Variants in HSD17B3 observed in about 807,000 individuals in gnomAD.
HSD17B3 encodes 17-beta-hydroxysteroid dehydrogenase type 3.
In HSD17B3, 29 loss-of-function variants were observed where a neutral mutation model predicts 41.1. That is an observed-to-expected ratio of 0.71 (90% CI 0.53 to 0.96). The LOEUF (loss-of-function observed/expected upper bound fraction) is 0.96. HSD17B3 is among the 40% of genes least tolerant of loss of function. The pLI is 0.00. For synonymous variants in HSD17B3, 126 were observed against 145.6 expected (o/e 0.87, Z 0.97); for missense variants, 323 against 374.6 (o/e 0.86, Z 1.14).
chr9:96,243,206 T>C (rs1379577799), intron 9 of HSD17B3, among the ~76,000 whole-genome samples: 1 of 152,190 alleles, frequency 6.6e-6, no homozygotes, highest in Non-Finnish European at 1.5e-5. Flanking sequence ...GCAGCAAACT[T>C]AGCCCAGACA....
At chr9:96,296,723 T>C (rs1452326110) in intron 2 of HSD17B3, among the ~76,000 whole-genome samples, 1 of 152,144 alleles carries the variant, frequency 6.6e-6, no homozygotes. Flanking sequence ...ATCCATTTGA[T>C]GGAATATTAT....
chr9:96,270,962 G>C (rs372794511), intron 2 of HSD17B3, among the ~76,000 whole-genome samples: 13 of 144,664 alleles, frequency 9.0e-5, no homozygotes, highest in South Asian at 4.8e-4. Flanking sequence ...TCGGGGGGGG[G>C]GGTTAAGATT....
At chr9:96,248,452 T>C (rs1468804445) in intron 6 of HSD17B3, among the ~76,000 whole-genome samples, 1 of 152,236 alleles carries the variant, frequency 6.6e-6, no homozygotes, top group Non-Finnish European at 1.5e-5. Flanking sequence ...CCAGTCCATG[T>C]TGTTCAGATG....
chr9:96,238,862 A>G (rs1183205473), intron 10 of HSD17B3, among the ~76,000 whole-genome samples: 1 of 152,182 alleles, frequency 6.6e-6, no homozygotes, highest in Non-Finnish European at 1.5e-5. Flanking sequence ...AGAAGGGGCC[A>G]TGGCCCCCAC....
intron 2 of HSD17B3, among the ~76,000 whole-genome samples, chr9:96,260,908 G>A (rs934007949): frequency 5.3e-5 from 8 of 152,114 alleles, no homozygotes; most frequent in East Asian, 1.9e-4. Flanking sequence ...AGCATTGCCC[G>A]CCTCTCACCT....
intron 2 of HSD17B3, among the ~76,000 whole-genome samples, chr9:96,280,433 T>C (rs1826645341): frequency 1.3e-5 from 2 of 152,206 alleles, no homozygotes; most frequent in Admixed American, 1.3e-4. Context: ...AAGGTCAAGT[T>C]AGCTGAGGCA....
chr9:96,245,517 C>T (rs1836626918), intron 7 of HSD17B3, 91 bp from the exon 8 acceptor site: 7 of 927,142 alleles, frequency 7.6e-6, no homozygotes, highest in African/African-American at 3.2e-5. Context: ...TGAACACTGC[C>T]GGACTCGACC....
In HSD17B3 at chr9:96,298,432, T is replaced by C; in HGVS notation, c.185A>G (p.Lys62Arg). 1 of 1,613,852 alleles carries C rather than the reference T, an allele frequency of 6.2e-7. No homozygotes were observed. Among genetic ancestry groups the C allele is most frequent in the South Asian group, 1.1e-5 (1 of 91,074 alleles). ...VITGAGDGIGKAYSFELAKRG... is the reference protein window; with the variant it reads ...VITGAGDGIGRAYSFELAKRG... ...ATAGCTTACCTCGAACGAGTACGCT[T>C]TCCCAATTCCATCGCCTGCTCCAGT... The change falls in exon 2 of 11, where the codon AAA becomes AGA. Residue 62 changes from lysine (K) to arginine (R), a missense_variant. By Grantham distance (26) the Lys-to-Arg change is conservative. Transcript: ENST00000375263.
chr9:96,274,084 C>G (rs1338562699), intron 2 of HSD17B3, among the ~76,000 whole-genome samples: 1 of 152,176 alleles, frequency 6.6e-6, no homozygotes, highest in East Asian at 1.9e-4. Flanking sequence ...AAATAGAGAT[C>G]TAAAACTGTC....
At chr9:96,261,931 G>T (rs1212464476) in intron 2 of HSD17B3, among the ~76,000 whole-genome samples, 1 of 152,172 alleles carries the variant, frequency 6.6e-6, no homozygotes. Context: ...TTCATCACAG[G>T]TTCAGCACTT....
At chr9:96,250,004 T>G in intron 5 of HSD17B3, 1 of 1,445,582 alleles carries the variant, frequency 6.9e-7, no homozygotes, top group Non-Finnish European at 9.1e-7. Context: ...CCACGTCATC[T>G]TGACTAGACA....
chr9:96,270,410 A>C (rs1473845934), intron 2 of HSD17B3, among the ~76,000 whole-genome samples: 2 of 152,218 alleles, frequency 1.3e-5, no homozygotes, highest in Non-Finnish European at 2.9e-5. Context: ...ACAAATCTAG[A>C]GGAACATAAA....
chr9:96,290,456 C>CCTTT lies in HSD17B3; in HGVS notation c.201+7959_201+7960insAAAG, dbSNP rs747479797. 4.0e-3 allele frequency among the ~76,000 whole-genome samples: 310 copies of CCTTT among 78,426 alleles called. 12 individuals are homozygous for CCTTT. The highest frequency in any genetic ancestry group is 6.1e-3 in the African/African-American group (110 of 17,952). The allele number at this position is 78,426 out of a possible 152,430, so 51.5% of individuals were successfully genotyped here. ...GAAGGGCACTGTGGTATTTCCTGGG[C>CCTTT]TTTTTTTTTTTTTTTTTTTTTTTCC... On this transcript the variant is annotated intron_variant, in intron 2 of 10. Coordinates refer to ENST00000375263, the MANE Select transcript of HSD17B3 (RefSeq NM_000197.2).
chr9:96,254,974 A>G (rs764660075), intron 2 of HSD17B3, 31 bp from the exon 3 acceptor site: 17 of 1,586,522 alleles, frequency 1.1e-5, no homozygotes, highest in Middle Eastern at 1.7e-4. Context: ...CCAAGAGACA[A>G]GGATGATGAG....
intron 2 of HSD17B3, 87 bp downstream of exon 2, chr9:96,298,329 A>T: frequency 1.9e-6 from 2 of 1,033,332 alleles, no homozygotes; most frequent in Non-Finnish European, 3.1e-6. Flanking sequence ...CTGCTTTTAT[A>T]TTCAAAAATC....
chr9:96,252,942 C>T (rs1216993435), intron 3 of HSD17B3, 32 bp from the exon 4 acceptor site: 4 of 1,391,788 alleles, frequency 2.9e-6, no homozygotes, highest in Admixed American at 1.7e-5. Flanking sequence ...TTTTAATGAA[C>T]AGGGATCCAA....
intron 6 of HSD17B3, among the ~76,000 whole-genome samples, chr9:96,248,662 G>A (rs139178484): frequency 2.6e-5 from 4 of 152,334 alleles, no homozygotes; most frequent in African/African-American, 9.6e-5. Flanking sequence ...CACAAGCCAC[G>A]TGTCCTAGTA....
chr9:96,269,730 C>A (rs1826168390), intron 2 of HSD17B3, among the ~76,000 whole-genome samples: 1 of 151,756 alleles, frequency 6.6e-6, no homozygotes, highest in Admixed American at 6.6e-5. Flanking sequence ...ATAGTGAAAC[C>A]CCGTCTCTAG....
intron 2 of HSD17B3, among the ~76,000 whole-genome samples, chr9:96,274,981 A>G (rs1826393074): frequency 6.6e-6 from 1 of 152,196 alleles, no homozygotes; most frequent in Non-Finnish European, 1.5e-5. Flanking sequence ...AAGGACAAAG[A>G]GAGCATTTTG....
Sources: gnomAD v4.1 joint callset for allele counts (sites outside exome capture counted in the v4.1 genomes callset) on GRCh38, gnomAD v4.1.1 for gene constraint, MANE v1.5 for transcripts, NCBI Gene and HGNC (gene_info 2026-07-23, HGNC 2026-07-21) for gene names.